CFAP299: variants seen among roughly 807,000 people sequenced by gnomAD.
CFAP299 encodes cilia- and flagella-associated protein 299.
A neutral mutation model predicts 27.0 loss-of-function variants in CFAP299; 21 were observed. That is an observed-to-expected ratio of 0.78 (90% CI 0.55 to 1.12). The LOEUF (loss-of-function observed/expected upper bound fraction) is 1.12. Ranked by LOEUF, CFAP299 falls within the 50% of genes most tolerant of loss-of-function variation. The pLI, the probability that CFAP299 is intolerant of heterozygous loss-of-function variation, is 0.00. For missense variants in CFAP299, 310 were observed against 276.6 expected, an observed-to-expected ratio of 1.12 and a Z score of -0.86; for synonymous variants, 104 against 98.1, an observed-to-expected ratio of 1.06 and a Z score of -0.36.
intron 2 of CFAP299, among the ~76,000 whole-genome samples, chr4:80,408,772 G>C (rs771646409): frequency 4.0e-5 from 6 of 151,344 alleles, no homozygotes; most frequent in Non-Finnish European, 8.8e-5. Flanking sequence ...TGGGAGAAAT[G>C]GGCAAGAAAA....
intron 3 of CFAP299, among the ~76,000 whole-genome samples, chr4:80,738,741 T>G (rs1386341008): frequency 6.6e-6 from 1 of 151,974 alleles, no homozygotes; most frequent in Non-Finnish European, 1.5e-5. Flanking sequence ...TCAATGTTAT[T>G]TTTAATAAGT....
At chr4:80,622,601 T>G (rs563477640) in intron 3 of CFAP299, among the ~76,000 whole-genome samples, 14 of 152,196 alleles carry the variant, frequency 9.2e-5, no homozygotes, top group Non-Finnish European at 1.9e-4. Context: ...ATAATAACTT[T>G]GCATTTCTCA....
chr4:80,448,297 A>G (rs1248507987), intron 2 of CFAP299, among the ~76,000 whole-genome samples: 1 of 152,214 alleles, frequency 6.6e-6, no homozygotes, highest in East Asian at 1.9e-4. Context: ...ATTACTTAGC[A>G]TTTAAGAATG....
intron 2 of CFAP299, among the ~76,000 whole-genome samples, chr4:80,536,903 A>C (rs1733770152): frequency 6.6e-6 from 1 of 152,102 alleles, no homozygotes; most frequent in African/African-American, 2.4e-5. Context: ...CAACATAGTA[A>C]AGAGACAACC....
chr4:80,423,102 G>A (rs1474225413), intron 2 of CFAP299, among the ~76,000 whole-genome samples: 1 of 152,160 alleles, frequency 6.6e-6, no homozygotes, highest in Non-Finnish European at 1.5e-5. Context: ...TTTGCATAAG[G>A]CAGCTCCATT....
intron 3 of CFAP299, among the ~76,000 whole-genome samples, chr4:80,723,327 CA>C (rs1309385373): frequency 1.3e-5 from 2 of 152,048 alleles, no homozygotes; most frequent in African/African-American, 4.8e-5. Context: ...GCAATAGCCC[CA>C]AACTGGAAAC....
chr4:80,380,195 G>T (rs1005134802), intron 2 of CFAP299, among the ~76,000 whole-genome samples: 2 of 151,778 alleles, frequency 1.3e-5, no homozygotes, highest in South Asian at 4.1e-4. Flanking sequence ...TATTTATATA[G>T]ACACTCAAGC....
intron 3 of CFAP299, among the ~76,000 whole-genome samples, chr4:80,720,261 G>T (rs1722736773): frequency 6.6e-6 from 1 of 152,134 alleles, no homozygotes; most frequent in Admixed American, 6.5e-5. Context: ...AAGAGAGAAT[G>T]AATTATCTGA....
intron 3 of CFAP299, among the ~76,000 whole-genome samples, chr4:80,651,400 G>T: frequency 7.5e-6 from 1 of 133,442 alleles, no homozygotes; most frequent in Non-Finnish European, 1.5e-5. Flanking sequence ...GAGTCTCTCT[G>T]TGTCACCCAG....
chr4:80,440,529 A>G (rs1728308097), intron 2 of CFAP299, among the ~76,000 whole-genome samples: 1 of 152,232 alleles, frequency 6.6e-6, no homozygotes, highest in Admixed American at 6.5e-5. Context: ...AAGGATGCCC[A>G]CGCAAAAACC....
intron 3 of CFAP299, among the ~76,000 whole-genome samples, chr4:80,709,626 C>T (rs755639889): frequency 1.3e-5 from 2 of 152,122 alleles, no homozygotes; most frequent in Non-Finnish European, 2.9e-5. Flanking sequence ...AAATGTAACA[C>T]GAACACCGAT....
At chr4:80,715,779 G>T (rs2110040759) in intron 3 of CFAP299, among the ~76,000 whole-genome samples, 1 of 152,118 alleles carries the variant, frequency 6.6e-6, no homozygotes. Context: ...GATGGAATTT[G>T]ATGATTTTTA....
chr4:80,532,036 G>A (rs1033724991), intron 2 of CFAP299, among the ~76,000 whole-genome samples: 10 of 152,198 alleles, frequency 6.6e-5, no homozygotes, highest in African/African-American at 2.4e-4. Context: ...GATTACAGGC[G>A]TGAGCCACTC....
At chr4:80,360,665 T>G (rs1723496580) in intron 1 of CFAP299, among the ~76,000 whole-genome samples, 1 of 152,238 alleles carries the variant, frequency 6.6e-6, no homozygotes, top group African/African-American at 2.4e-5. Flanking sequence ...GGCCAGCCAC[T>G]AGCCTTCTGA....
intron 3 of CFAP299, among the ~76,000 whole-genome samples, chr4:80,808,164 C>A (rs1728960601): frequency 6.6e-6 from 1 of 151,976 alleles, no homozygotes; most frequent in Admixed American, 6.6e-5. Flanking sequence ...CATTTTGATA[C>A]CGAAATAGTG....
intron 3 of CFAP299, among the ~76,000 whole-genome samples, chr4:80,668,442 T>C (rs1435271813): frequency 6.6e-6 from 1 of 152,214 alleles, no homozygotes; most frequent in African/African-American, 2.4e-5. Flanking sequence ...ATTTGAGATC[T>C]TAAGACTTCA....
chr4:80,901,976 T>C (rs1408444990), intron 4 of CFAP299, among the ~76,000 whole-genome samples: 3 of 152,082 alleles, frequency 2.0e-5, no homozygotes, highest in African/African-American at 7.2e-5. Flanking sequence ...ATCTTGCCAT[T>C]TCTAAAATTA....
At chr4:80,777,320 C>T (rs1726606008) in intron 3 of CFAP299, among the ~76,000 whole-genome samples, 1 of 152,010 alleles carries the variant, frequency 6.6e-6, no homozygotes, top group African/African-American at 2.4e-5. Context: ...CCATTCCTAC[C>T]CCTGCATCCC....
intron 3 of CFAP299, among the ~76,000 whole-genome samples, chr4:80,590,463 C>A (rs972302736): frequency 6.6e-6 from 1 of 152,022 alleles, no homozygotes; most frequent in African/African-American, 2.4e-5. Flanking sequence ...ATGGTGAAAC[C>A]CTGTCTCTAC....
Sources: gnomAD v4.1 joint callset for allele counts (sites outside exome capture counted in the v4.1 genomes callset) on GRCh38, gnomAD v4.1.1 for gene constraint, MANE v1.5 for transcripts, NCBI Gene and HGNC (gene_info 2026-07-23, HGNC 2026-07-21) for gene names.